KLHDC4: variants seen among roughly 807,000 people sequenced by gnomAD.
KLHDC4 encodes the protein kelch domain containing 4, also known as kelch domain-containing protein 4.
A neutral mutation model predicts 62.4 loss-of-function variants in KLHDC4; 90 were observed. The ratio of observed to expected loss-of-function variants is 1.44; its 90% CI spans 1.22 to 1.72. The LOEUF (loss-of-function observed/expected upper bound fraction) is 1.72. Ranked by LOEUF, KLHDC4 falls within the 40% of genes most tolerant of loss-of-function variation. The pLI, the probability that KLHDC4 is intolerant of heterozygous loss-of-function variation, is 0.00. For missense variants in KLHDC4, 1,025 were observed against 699.7 expected (o/e 1.47, Z -5.25); for synonymous variants, 386 against 284.4 (o/e 1.36, Z -3.59).
chr16:87,730,365 T>G (rs767704381), intron 6 of KLHDC4, among the ~76,000 whole-genome samples, 187 bp downstream of exon 6: 3 of 152,256 alleles, frequency 2.0e-5, no homozygotes, highest in Non-Finnish European at 4.4e-5. Flanking sequence ...GAATACAGCA[T>G]GAAGCCAGTG....
chr16:87,718,369 CAGT>C, intron 7 of KLHDC4, among the ~76,000 whole-genome samples: 1 of 119,618 alleles, frequency 8.4e-6, no homozygotes, highest in Non-Finnish European at 1.8e-5. Flanking sequence ...TCTCCCTCCA[CAGT>C]CTCCCTCTCC....
intron 2 of KLHDC4, among the ~76,000 whole-genome samples, chr16:87,760,271 C>T (rs907169060): frequency 1.0e-4 from 15 of 149,810 alleles, no homozygotes; most frequent in Non-Finnish European, 1.5e-4. Flanking sequence ...GGTACGGTGA[C>T]TTGAGCCCAG....
chr16:87,714,799 G>C (rs925226164), intron 7 of KLHDC4, among the ~76,000 whole-genome samples: 1 of 152,130 alleles, frequency 6.6e-6, no homozygotes, highest in African/African-American at 2.4e-5. Context: ...TAATGGCCGC[G>C]ATCACACAGT....
chr16:87,735,381 G>T (rs985721761), intron 5 of KLHDC4, among the ~76,000 whole-genome samples: 1 of 151,322 alleles, frequency 6.6e-6, no homozygotes, highest in African/African-American at 2.4e-5. Flanking sequence ...GAGGAGAACC[G>T]AGCGCTGCCA....
chr16:87,721,192 G>C (rs185638028), intron 7 of KLHDC4, among the ~76,000 whole-genome samples: 1 of 152,148 alleles, frequency 6.6e-6, no homozygotes, highest in African/African-American at 2.4e-5. Context: ...AGGCCGAGAC[G>C]GGCGGATCAC....
intron 4 of KLHDC4, among the ~76,000 whole-genome samples, chr16:87,751,697 T>C (rs528290674): frequency 5.7e-4 from 87 of 152,218 alleles, no homozygotes; most frequent in African/African-American, 2.0e-3. Flanking sequence ...TGTGGGAGGA[T>C]TGCTTGAGCC....
At chr16:87,749,325 G>A (rs2043533248) in intron 4 of KLHDC4, among the ~76,000 whole-genome samples, 1 of 152,090 alleles carries the variant, frequency 6.6e-6, no homozygotes, top group African/African-American at 2.4e-5. Flanking sequence ...GGAGGCTGAG[G>A]TGGACAGATC....
At chr16:87,728,684 T>A (rs184877515) in intron 6 of KLHDC4, among the ~76,000 whole-genome samples, 1 of 152,264 alleles carries the variant, frequency 6.6e-6, no homozygotes, top group East Asian at 1.9e-4. Context: ...AAATAAATTT[T>A]AAGAATGAAC....
At position 87,743,865 on chromosome 16, in the gene KLHDC4, C is replaced by A. The variant is rs147457756; in HGVS notation, c.506+4808G>T. 1.3e-3 allele frequency among the ~76,000 whole-genome samples: 191 copies of A among 152,250 alleles called. No individual in the cohort carries two copies. In the East Asian group the frequency reaches 0.014, roughly 12 times the overall value. On this transcript the variant is annotated intron_variant, in intron 5 of 11. Coordinates refer to ENST00000270583, the MANE Select transcript of KLHDC4 (RefSeq NM_017566.4). ...TTAAATTCTTAAATAAATAAAAAAA[C>A]CAAATGGAGACATACACAATGCTCC...
chr16:87,707,795 G>C (rs956538472), downstream of KLHDC4: 2 of 373,466 alleles, frequency 5.4e-6, no homozygotes, highest in Non-Finnish European at 1.1e-5. Context: ...CCACACAGAA[G>C]ACACCCTCCG....
intron 5 of KLHDC4, among the ~76,000 whole-genome samples, chr16:87,746,007 T>C (rs2042980644): frequency 6.6e-6 from 1 of 152,024 alleles, no homozygotes; most frequent in Admixed American, 6.6e-5. Flanking sequence ...CTCACACCTA[T>C]AATCCCAGCT....
rs142900070 is a variant in KLHDC4 at position 87,721,248 on chromosome 16, G to A, written c.759+5517C>T. Among the ~76,000 whole-genome samples the A allele has an allele frequency of 6.4e-3, 975 of 152,016 alleles. 9 individuals are homozygous for A. Among genetic ancestry groups the A allele is most frequent in the African/African-American group, 0.022 (897 of 41,460 alleles). On this transcript the variant is annotated intron_variant, in intron 7 of 11. Coordinates refer to ENST00000270583, the MANE Select transcript of KLHDC4 (RefSeq NM_017566.4). ...ATCCTGGCTAACGCAGTAAAACCCC[G>A]TCTCTACTAAAAATATAAAAAATTA...
intron 8 of KLHDC4, among the ~76,000 whole-genome samples, chr16:87,712,555 C>T (rs146413378): frequency 2.0e-4 from 30 of 152,354 alleles, no homozygotes; most frequent in African/African-American, 6.5e-4. Flanking sequence ...GGCCGCCCTG[C>T]GGGAAACAGT....
At chr16:87,742,285 T>C (rs895010346) in intron 5 of KLHDC4, among the ~76,000 whole-genome samples, 2 of 152,002 alleles carry the variant, frequency 1.3e-5, no homozygotes, top group African/African-American at 4.8e-5. Flanking sequence ...CCAGCTACAC[T>C]AGCCCCTGAC....
At chr16:87,701,551 C>T in exon 1 of KLHDC4, 1 of 398,448 alleles carries the variant, frequency 2.5e-6, no homozygotes, top group Non-Finnish European at 5.2e-6. Flanking sequence ...GGCGTGAGCT[C>T]ACCCCATGTG....
In KLHDC4 at chr16:87,732,751, T is replaced by C. The variant is rs1288859480; in HGVS notation, c.507-2107A>G. On this transcript the variant is annotated intron_variant, in intron 5 of 11. Transcript: ENST00000270583. ...CGTGAAAAGGCAGGTCCAAAGCAAA[T>C]CCTATCCCAGCTTCTACAGGTAAAA... Among the ~76,000 whole-genome samples, 4 of 151,868 alleles carry C rather than the reference T, an allele frequency of 2.6e-5. No homozygotes were observed. The East Asian group carries it at 7.7e-4, about 29-fold the overall frequency.
At chr16:87,755,540 G>A (rs766447315) in intron 3 of KLHDC4, 15 of 312,952 alleles carry the variant, frequency 4.8e-5, no homozygotes, top group East Asian at 1.4e-4. Flanking sequence ...TATTAGGACT[G>A]GTCATTCTCC....
At chr16:87,714,644 T>C in intron 7 of KLHDC4, 71 bp from the exon 8 acceptor site, 1 of 1,539,572 alleles carries the variant, frequency 6.5e-7, no homozygotes, top group Non-Finnish European at 9.0e-7. Context: ...CCCAACCCTG[T>C]GGGCGCATTT....
downstream of KLHDC4, among the ~76,000 whole-genome samples, chr16:87,703,701 A>T (rs2034308384): frequency 6.6e-6 from 1 of 152,118 alleles, no homozygotes; most frequent in South Asian, 2.1e-4. Flanking sequence ...GGTTGAGACA[A>T]GGAAAACGGG....
Sources: gnomAD v4.1 joint callset for allele counts (sites outside exome capture counted in the v4.1 genomes callset) on GRCh38, gnomAD v4.1.1 for gene constraint, MANE v1.5 for transcripts, NCBI Gene and HGNC (gene_info 2026-07-23, HGNC 2026-07-21) for gene names.